The following FOXP2 variants were observed in gnomAD, a reference collection of about 807,000 sequenced individuals.
FOXP2 encodes the protein forkhead box protein P2.
FOXP2 carries 12 observed loss-of-function variants against 115.8 expected under a neutral mutation model. The ratio of observed to expected loss-of-function variants is 0.10; its 90% confidence interval spans 0.07 to 0.17. FOXP2 has a LOEUF of 0.17. Ranked by LOEUF, FOXP2 falls within the 10% of genes least tolerant of loss-of-function variation. The pLI is 1.00. For missense variants in FOXP2, 629 were observed against 843.5 expected (o/e 0.75, Z 3.15); for synonymous variants, 328 against 297.7 (o/e 1.10, Z -1.05).
chr7:114,455,019 TA>T (rs566963191), intron 2 of FOXP2, among the ~76,000 whole-genome samples: 2,851 of 145,456 alleles, frequency 0.02, 56 homozygotes, highest in African/African-American at 0.047. Flanking sequence ...TAAAGTATAA[TA>T]AAAAAAAAAG....
chr7:114,263,052 T>C (rs1162580941), intron 1 of FOXP2, among the ~76,000 whole-genome samples: 2 of 152,214 alleles, frequency 1.3e-5, no homozygotes, highest in African/African-American at 4.8e-5. Flanking sequence ...GGGTCTTTTC[T>C]TTTGACAAAC....
intron 2 of FOXP2, among the ~76,000 whole-genome samples, chr7:114,332,220 G>C (rs748850792): frequency 6.6e-6 from 1 of 151,984 alleles, no homozygotes; most frequent in Non-Finnish European, 1.5e-5. Context: ...ATATGGACAC[G>C]TGCAGCTTTT....
chr7:114,671,523 C>G (rs1394857376), intron 16 of FOXP2, among the ~76,000 whole-genome samples: 2 of 152,152 alleles, frequency 1.3e-5, no homozygotes, highest in African/African-American at 4.8e-5. Context: ...TGTTTTATAT[C>G]TAAAGAAGGT....
At chr7:114,540,169 G>C (rs1368523015) in intron 3 of FOXP2, among the ~76,000 whole-genome samples, 2 of 151,994 alleles carry the variant, frequency 1.3e-5, no homozygotes, top group Admixed American at 6.6e-5. Context: ...ATGATTTGAA[G>C]TATGCCCTTG....
chr7:114,128,771 T>C (rs1423622963), intron 1 of FOXP2, among the ~76,000 whole-genome samples: 3 of 152,068 alleles, frequency 2.0e-5, no homozygotes, highest in African/African-American at 2.4e-5. Flanking sequence ...CTTCATAAAA[T>C]TAAGCATTTA....
At chr7:114,280,123 A>C (rs564247265) in intron 1 of FOXP2, among the ~76,000 whole-genome samples, 151 of 146,486 alleles carry the variant, frequency 1.0e-3, no homozygotes, top group South Asian at 3.9e-3. Context: ...TAAATAAATA[A>C]AAACAGGTGG....
intron 2 of FOXP2, among the ~76,000 whole-genome samples, chr7:114,504,028 T>A (rs1259269823): frequency 2.6e-5 from 4 of 151,640 alleles, no homozygotes; most frequent in Non-Finnish European, 5.9e-5. Context: ...ATATGATGGC[T>A]AGGTAGTACA....
At chr7:114,168,848 G>A (rs888807874) in intron 1 of FOXP2, among the ~76,000 whole-genome samples, 5 of 152,132 alleles carry the variant, frequency 3.3e-5, no homozygotes, top group African/African-American at 7.2e-5. Flanking sequence ...GTGTAGCCTA[G>A]GGACTTGATG....
intron 1 of FOXP2, among the ~76,000 whole-genome samples, chr7:114,232,842 A>G (rs1048902516): frequency 6.6e-6 from 1 of 152,142 alleles, no homozygotes; most frequent in East Asian, 1.9e-4. Flanking sequence ...TTCAGCCATA[A>G]AAGGACATCC....
At chr7:114,243,884 C>T (rs1391715434) in intron 1 of FOXP2, among the ~76,000 whole-genome samples, 8 of 150,428 alleles carry the variant, frequency 5.3e-5, no homozygotes, top group Admixed American at 4.6e-4. Context: ...TATGACCTTC[C>T]AGGCTAAGGT....
intron 3 of FOXP2, among the ~76,000 whole-genome samples, chr7:114,587,063 T>G (rs113424460): frequency 7.9e-6 from 1 of 127,354 alleles, no homozygotes; most frequent in South Asian, 2.7e-4. Context: ...CTATTTCTTT[T>G]TTTTTTTTAA....
chr7:114,659,534 CATT>C, intron 12 of FOXP2, 35 bp from the exon 13 acceptor site: 1 of 1,593,234 alleles, frequency 6.3e-7, no homozygotes, highest in Non-Finnish European at 8.6e-7. Flanking sequence ...GTTAGTAAAC[CATT>C]ATTTTATGTC....
chr7:114,270,152 A>G (rs1796000029), intron 1 of FOXP2, among the ~76,000 whole-genome samples: 2 of 152,034 alleles, frequency 1.3e-5, no homozygotes, highest in Admixed American at 1.3e-4. Flanking sequence ...TGGCTTGATA[A>G]CTCATTTCTT....
At chr7:114,503,095 A>C (rs539524030) in intron 2 of FOXP2, among the ~76,000 whole-genome samples, 6 of 152,080 alleles carry the variant, frequency 3.9e-5, no homozygotes, top group African/African-American at 1.2e-4. Context: ...GCACACAGAA[A>C]AACCATTGTG....
intron 2 of FOXP2, among the ~76,000 whole-genome samples, chr7:114,526,581 A>G (rs1798886075): frequency 6.6e-6 from 1 of 151,978 alleles, no homozygotes; most frequent in Non-Finnish European, 1.5e-5. Flanking sequence ...GTTTGCACTC[A>G]TGGCTATGGT....
intron 2 of FOXP2, among the ~76,000 whole-genome samples, chr7:114,428,872 A>G (rs1793985398): frequency 6.6e-6 from 1 of 151,610 alleles, no homozygotes; most frequent in Non-Finnish European, 1.5e-5. Context: ...AAAGTGAAAT[A>G]ATTGTATAAA....
chr7:114,284,718 A>G (rs1394404010), intron 1 of FOXP2, among the ~76,000 whole-genome samples: 1 of 152,186 alleles, frequency 6.6e-6, no homozygotes, highest in Non-Finnish European at 1.5e-5. Context: ...TGTATACCCA[A>G]AGGAATATAA....
chr7:114,296,523 G>C (rs1182506279), intron 2 of FOXP2, among the ~76,000 whole-genome samples: 2 of 151,794 alleles, frequency 1.3e-5, no homozygotes, highest in Non-Finnish European at 2.9e-5. Context: ...AAGACTGTTA[G>C]GTTTAGTCAA....
At chr7:114,221,432 A>G (rs1006331112) in intron 1 of FOXP2, among the ~76,000 whole-genome samples, 10 of 152,196 alleles carry the variant, frequency 6.6e-5, no homozygotes, top group Non-Finnish European at 1.3e-4. Context: ...TTTTTTAAGA[A>G]ATCTCTGGGT....
Sources: gnomAD v4.1 joint callset for allele counts (sites outside exome capture counted in the v4.1 genomes callset) on GRCh38, gnomAD v4.1.1 for gene constraint, MANE v1.5 for transcripts, NCBI Gene and HGNC (gene_info 2026-07-23, HGNC 2026-07-21) for gene names.